The following SMYD3 variants were observed in gnomAD, a reference collection of about 807,000 sequenced individuals.
SMYD3 encodes histone-lysine N-methyltransferase SMYD3.
Under a neutral mutation model 57.7 loss-of-function variants are expected in SMYD3, and 36 were observed. The ratio of observed to expected loss-of-function variants is 0.62; its 90% CI spans 0.48 to 0.82. The LOEUF is 0.82. SMYD3 is among the 40% of genes least tolerant of loss of function. SMYD3 has a pLI of 0.00. For missense variants in SMYD3, 515 were observed against 538.8 expected (o/e 0.96, Z 0.44); for synonymous variants, 211 against 195.0 (o/e 1.08, Z -0.68).
At chr1:246,253,853 G>A (rs2063834848) in intron 5 of SMYD3, among the ~76,000 whole-genome samples, 1 of 152,096 alleles carries the variant, frequency 6.6e-6, no homozygotes, top group African/African-American at 2.4e-5. Flanking sequence ...GTTCTCTTTT[G>A]GATATGTATC....
chr1:246,455,025 A>G (rs920469051), intron 1 of SMYD3, among the ~76,000 whole-genome samples: 7 of 152,206 alleles, frequency 4.6e-5, no homozygotes, highest in African/African-American at 1.7e-4. Context: ...ATTCACATTA[A>G]TTCAGCAAAT....
chr1:245,804,500 T>G (rs1383077528), intron 10 of SMYD3, among the ~76,000 whole-genome samples: 1 of 152,076 alleles, frequency 6.6e-6, no homozygotes, highest in South Asian at 2.1e-4. Flanking sequence ...GGAGCTTGCA[T>G]TGAGCTGAGA....
intron 5 of SMYD3, among the ~76,000 whole-genome samples, chr1:246,158,662 AT>A (rs1424539215): frequency 6.6e-6 from 1 of 152,216 alleles, no homozygotes; most frequent in Non-Finnish European, 1.5e-5. Flanking sequence ...GATGTGAATT[AT>A]ATTTACACAT....
chr1:246,101,081 T>G (rs10924504), intron 5 of SMYD3, among the ~76,000 whole-genome samples: 19,021 of 123,626 alleles, frequency 0.15, 1,710 homozygotes, highest in East Asian at 0.42. Context: ...GTTTTTTTTT[T>G]TTTTTTTTTT....
chr1:246,348,077 T>TATATATATATATATATATATACATAC, intron 2 of SMYD3, among the ~76,000 whole-genome samples: 1 of 86,520 alleles, frequency 1.2e-5, no homozygotes, highest in Non-Finnish European at 2.6e-5. Context: ...TATATATATA[T>TATATATATATATATATATATACATAC]ACACACACAC....
At chr1:246,109,311 AT>A (rs944947015) in intron 5 of SMYD3, among the ~76,000 whole-genome samples, 141 of 152,152 alleles carry the variant, frequency 9.3e-4, no homozygotes, top group African/African-American at 3.4e-3. Flanking sequence ...CTCACATACA[AT>A]TTTTTTTATA....
intron 5 of SMYD3, among the ~76,000 whole-genome samples, chr1:246,256,977 C>G (rs1225229648): frequency 6.6e-6 from 1 of 152,012 alleles, no homozygotes; most frequent in Admixed American, 6.6e-5. Flanking sequence ...GGTTTTGAGT[C>G]CTTTAAGGTA....
At chr1:245,918,133 T>C (rs1437554163) in intron 7 of SMYD3, among the ~76,000 whole-genome samples, 3 of 152,194 alleles carry the variant, frequency 2.0e-5, no homozygotes, top group Admixed American at 6.5e-5. Context: ...TGGCTCTCCA[T>C]AGATTCTTCA....
chr1:246,133,617 G>A (rs558042780), intron 5 of SMYD3, among the ~76,000 whole-genome samples: 11 of 152,048 alleles, frequency 7.2e-5, no homozygotes, highest in Admixed American at 1.3e-4. Flanking sequence ...ATGTCATCAC[G>A]ATTGGCTGAT....
intron 5 of SMYD3, among the ~76,000 whole-genome samples, chr1:246,231,461 TTTAC>T (rs1410224199): frequency 3.3e-5 from 5 of 152,216 alleles, no homozygotes; most frequent in Non-Finnish European, 5.9e-5. Flanking sequence ...CCAATAATTT[TTTAC>T]AGTATTCAGA....
rs575741952 is a variant in SMYD3, at chr1:245,811,151, T to C, written c.1077-47002A>G. The stretch of plus-strand genomic sequence containing the variant: ...CACTGATGCCTATTCCTGTGGCCTT[T>C]CCAGTTTCCCAGGGTGATGCAAATG... On this transcript the variant is annotated intron_variant, in intron 10 of 11. Transcript: ENST00000490107. 3.9e-5 allele frequency among the ~76,000 whole-genome samples: 6 copies of C among 152,310 alleles called. No homozygotes were observed. The South Asian group carries it at 8.3e-4, about 21-fold the overall frequency.
At chr1:245,981,836 G>A (rs551088839) in intron 5 of SMYD3, among the ~76,000 whole-genome samples, 1 of 152,346 alleles carries the variant, frequency 6.6e-6, no homozygotes, top group South Asian at 2.1e-4. Flanking sequence ...GTTGCAGAAA[G>A]AAAGAATTCC....
intron 5 of SMYD3, among the ~76,000 whole-genome samples, chr1:245,993,883 T>A (rs567229364): frequency 6.6e-6 from 1 of 152,328 alleles, no homozygotes; most frequent in African/African-American, 2.4e-5. Flanking sequence ...CTTAAATGAT[T>A]TAAATGGTCA....
intron 5 of SMYD3, among the ~76,000 whole-genome samples, chr1:245,938,335 G>A (rs1465119413): frequency 1.3e-5 from 2 of 152,180 alleles, no homozygotes; most frequent in Non-Finnish European, 2.9e-5. Flanking sequence ...GGAGCACCTT[G>A]GGGGGCCACT....
chr1:245,793,726 G>A (rs895904143), intron 10 of SMYD3, among the ~76,000 whole-genome samples: 1 of 151,570 alleles, frequency 6.6e-6, no homozygotes, highest in Non-Finnish European at 1.5e-5. Flanking sequence ...GCTATTTTCT[G>A]CAGGGACCAA....
rs534052872 is a variant in SMYD3, at chr1:245,902,150, T to C, written c.813+13380A>G. 2.8e-3 allele frequency among the ~76,000 whole-genome samples: 431 copies of C among 152,244 alleles called. 3 individuals are homozygous for C. The highest frequency in any genetic ancestry group is 0.016 in the South Asian group (77 of 4,820). On this transcript the variant is annotated intron_variant, in intron 8 of 11. Transcript: ENST00000490107. The stretch of plus-strand genomic sequence containing the variant: ...ATCCACTCAGAGGGCTGCAGTATCA[T>C]GAGGCCAGCTGGACCAAGTGGTACA...
chr1:246,323,358 A>G (rs2065282437), intron 5 of SMYD3, among the ~76,000 whole-genome samples: 1 of 152,206 alleles, frequency 6.6e-6, no homozygotes, highest in African/African-American at 2.4e-5. Flanking sequence ...TATGACCGGG[A>G]AAATTACAAG....
At chr1:246,215,595 C>T (rs5021682) in intron 5 of SMYD3, among the ~76,000 whole-genome samples, 40,333 of 151,976 alleles carry the variant, frequency 0.27, 6,079 homozygotes, top group East Asian at 0.58. Flanking sequence ...TATCCATCTG[C>T]CTTCTCCCAC....
intron 10 of SMYD3, among the ~76,000 whole-genome samples, chr1:245,790,898 G>A (rs1216977971): frequency 6.6e-6 from 1 of 152,110 alleles, no homozygotes; most frequent in Non-Finnish European, 1.5e-5. Flanking sequence ...GCTTTCCTGA[G>A]CAAACTGTAC....
Sources: allele counts gnomAD v4.1 joint callset (sites outside exome capture counted in the v4.1 genomes callset), GRCh38; gene constraint gnomAD v4.1.1; transcripts MANE v1.5; gene names NCBI Gene and HGNC (gene_info 2026-07-23, HGNC 2026-07-21).